GAK: variants seen among roughly 807,000 people sequenced by gnomAD.
The protein encoded by GAK is cyclin G associated kinase.
A neutral mutation model predicts 143.9 loss-of-function variants in GAK; 79 were observed. The ratio of observed to expected loss-of-function variants is 0.55; its 90% CI spans 0.46 to 0.66. The LOEUF (loss-of-function observed/expected upper bound fraction) is 0.66, where lower values mean the gene tolerates loss of function less well. GAK is among the 30% of genes least tolerant of loss of function. The pLI, the probability that GAK is intolerant of heterozygous loss-of-function variation, is 0.00. For missense variants in GAK, 1,693 were observed against 1,779.7 expected (o/e 0.95, Z 0.88); for synonymous variants, 881 against 765.5 (o/e 1.15, Z -2.49).
rs962539567 is a variant in GAK, at chr4:911,662, C to T, written c.382+11G>A. ...TTAGATGGCACCAAGCCGGCCTTCA[C>T]AGGACGTTACCTTTACAGAGCTCTG... On this transcript the variant is annotated intron_variant, in intron 4 of 27. Coordinates refer to ENST00000314167, the MANE Select transcript of GAK (RefSeq NM_005255.4). The T allele has an allele frequency of 3.1e-6, 5 of 1,604,622 alleles. No individual in the cohort carries two copies. In the Admixed American group the frequency reaches 6.7e-5, roughly 21 times the overall value.
intron 24 of GAK, among the ~76,000 whole-genome samples, chr4:854,129 T>A (rs1748715180): frequency 6.6e-6 from 1 of 151,790 alleles, no homozygotes; most frequent in African/African-American, 2.4e-5. Context: ...TTTTTTTTTT[T>A]TTTTTAATTG....
rs1488000442 is a variant in GAK at position 913,518 on chromosome 4, T to C, written c.207+89A>G. The C allele has an allele frequency of 6.9e-6, 7 of 1,013,986 alleles. No homozygotes were observed. In the East Asian group the frequency reaches 1.7e-4, roughly 24 times the overall value. 62.8% of individuals were successfully genotyped at this position (1,013,986 alleles called of 1,614,324 possible). A position where few individuals can be genotyped will look rare whatever the true frequency, so the allele number is the denominator to read the frequency against. On this transcript the variant is annotated intron_variant, in intron 2 of 27. Transcript: ENST00000314167. Reference sequence around the variant, plus strand: ...AGGCTGTAAAAGGAAACAAAGTACGTAACAGGGACGCATCCCTGAAAAGAC... The same window carrying C: ...AGGCTGTAAAAGGAAACAAAGTACGCAACAGGGACGCATCCCTGAAAAGAC...
rs1329265679 is a variant in GAK at position 898,125 on chromosome 4, T to C, written c.559A>G (p.Ile187Val). 6 of 1,614,094 alleles carry C rather than the reference T, an allele frequency of 3.7e-6. No individual in the cohort carries two copies. The highest frequency in any genetic ancestry group is 5.1e-6 in the Non-Finnish European group (6 of 1,180,008). ...GCACTGCCAAAGTCACACAGCTTAATGGTCCCTTGGTTACTAAGCAACAAG... is the reference window on the plus strand; with the variant it reads ...GCACTGCCAAAGTCACACAGCTTAACGGTCCCTTGGTTACTAAGCAACAAG... ...ENLLLSNQGT[I>V]KLCDFGSATT... Residue 187 changes from isoleucine (I) to valine (V), a missense_variant, in exon 6 of 28, where the codon ATT becomes GTT. Coordinates refer to ENST00000314167, the MANE Select transcript of GAK (RefSeq NM_005255.4).
chr4:882,859 C>A lies in GAK; in HGVS notation c.1405-40G>T, dbSNP rs781614327. 4 of 1,595,738 alleles carry A rather than the reference C, an allele frequency of 2.5e-6. No homozygotes were observed. In the Admixed American group the frequency reaches 5.0e-5, roughly 20 times the overall value. ...CACGGTGGCACGGACGGCAGAGGAGCCCCGCCCCAGCCTTGGTCAGCTAGG... is the reference window on the plus strand; with the variant it reads ...CACGGTGGCACGGACGGCAGAGGAGACCCGCCCCAGCCTTGGTCAGCTAGG... On this transcript the variant is annotated intron_variant, in intron 13 of 27. Coordinates refer to ENST00000314167, the MANE Select transcript of GAK (RefSeq NM_005255.4).
chr4:892,412 G>A (rs1459638034), intron 9 of GAK, among the ~76,000 whole-genome samples: 2 of 152,342 alleles, frequency 1.3e-5, no homozygotes, highest in Admixed American at 6.5e-5. Context: ...GGTGAGGGCC[G>A]GGCCGCGTGT....
At chr4:893,778 A>T in intron 8 of GAK, 96 bp downstream of exon 8, 1 of 1,374,674 alleles carries the variant, frequency 7.3e-7, no homozygotes. Flanking sequence ...GAGTGGGGCC[A>T]GGTGAGCAGT....
At chr4:868,837 G>C in intron 19 of GAK, 152 bp from the exon 20 acceptor site, 1 of 744,346 alleles carries the variant, frequency 1.3e-6, no homozygotes. Flanking sequence ...ACGGGGAGGG[G>C]CTCTCTGAAC....
rs777287445 is a variant in GAK at position 850,032 on chromosome 4, G to T, written c.3694C>A (p.Arg1232=). The change falls in exon 27 of 28, where the codon CGG becomes AGG. Residue 1232 remains arginine, a synonymous_variant. Transcript: ENST00000314167. The part of the protein sequence containing the change: ...DWIEGKERNI[R]ALLSTLHTVL... ...GTGTGCAGCGTGGACAGCAGGGCCC[G>T]GATGTTCCGCTCCTTGCCCTCAATC... 6.2e-7 allele frequency: 1 copy of T among 1,600,962 alleles called. No homozygotes were observed.
At chr4:868,465 TG>T in intron 20 of GAK, 73 bp downstream of exon 20, 1 of 1,527,452 alleles carries the variant, frequency 6.5e-7, no homozygotes, top group Non-Finnish European at 8.8e-7. Flanking sequence ...CCAAGACGCT[TG>T]CCCTGCCCCA....
At chr4:884,530 C>T in intron 11 of GAK, 1 of 165,584 alleles carries the variant, frequency 6.0e-6, no homozygotes, top group Non-Finnish European at 1.3e-5. Context: ...CAGTGCGACT[C>T]CAGCAGACGC....
intron 5 of GAK, among the ~76,000 whole-genome samples, chr4:901,302 A>G (rs1338985492): frequency 6.6e-6 from 1 of 151,714 alleles, no homozygotes; most frequent in African/African-American, 2.4e-5. Flanking sequence ...TCCCCCACCC[A>G]GGGCACACGG....
In GAK at chr4:867,018, A is replaced by C; in HGVS notation, c.2810T>G (p.Leu937Arg). 6.7e-7 allele frequency: 1 copy of C among 1,501,170 alleles called. No homozygotes were observed. 93.0% of individuals were successfully genotyped at this position (1,501,170 alleles called of 1,614,324 possible). Residue 937 changes from leucine (L) to arginine (R), a missense_variant, in exon 21 of 28, where the codon CTG becomes CGG. By Grantham distance (102) the Leu-to-Arg change is moderately radical. Coordinates refer to ENST00000314167, the MANE Select transcript of GAK (RefSeq NM_005255.4). The part of the protein sequence containing the change: ...EDLLSEDPLL[L>R]ASPAPPLSVQ... Reference sequence around the variant, plus strand: ...GCTCAGGGGAGGGGCCGGGCTTGCCAGGAGCAGCGGGTCCTCGCTGAGCAG... The same window carrying C: ...GCTCAGGGGAGGGGCCGGGCTTGCCCGGAGCAGCGGGTCCTCGCTGAGCAG...
At chr4:917,712 G>C (rs542679936) in intron 1 of GAK, among the ~76,000 whole-genome samples, 1 of 152,360 alleles carries the variant, frequency 6.6e-6, no homozygotes, top group South Asian at 2.1e-4. Context: ...TGATTAGCGT[G>C]GCAGATACAG....
In GAK at chr4:850,947, G is replaced by A; in HGVS notation, c.3646C>T (p.Leu1216Phe). 5.0e-6 allele frequency: 8 copies of A among 1,613,388 alleles called. No individual in the cohort carries two copies. The highest frequency in any genetic ancestry group is 6.8e-6 in the Non-Finnish European group (8 of 1,179,620). The change falls in exon 26 of 28, where the codon CTC becomes TTC. Residue 1216 changes from leucine to phenylalanine, a missense_variant. This residue lies in a region of GAK where 822 missense variants were observed against 788.7 expected (regional missense o/e 1.04). Transcript: ENST00000314167. Reference sequence around the variant, plus strand: ...GCCCACCCACCCACCTTCAGCTTGAGTGGGTCCGTGTCTTTAGCCAGGTCC... The same window carrying A: ...GCCCACCCACCCACCTTCAGCTTGAATGGGTCCGTGTCTTTAGCCAGGTCC... ...KQDLAKDTDP[L>F]KLKLLDWIEG...
intron 4 of GAK, among the ~76,000 whole-genome samples, chr4:910,907 T>C (rs4690201): frequency 0.61 from 93,295 of 152,000 alleles, 29,126 homozygotes; most frequent in East Asian, 0.77. Context: ...AGCCGCCCTC[T>C]GAGGCACAGG....
intron 19 of GAK, 107 bp downstream of exon 19, chr4:870,604 A>C (rs1481732137): frequency 3.4e-6 from 4 of 1,163,490 alleles, no homozygotes; most frequent in Non-Finnish European, 5.0e-6. Context: ...GCCTGGGTGC[A>C]GCAGCAGGCG....
At chr4:853,364 C>T (rs981873478) in intron 24 of GAK, 8 of 152,278 alleles carry the variant, frequency 5.3e-5, no homozygotes, top group African/African-American at 1.7e-4. Flanking sequence ...TGAGAGTTTC[C>T]GTTTCTCTGG....
chr4:877,330 AC>A (rs1382617857), intron 16 of GAK, 123 bp from the exon 17 acceptor site: 1 of 710,406 alleles, frequency 1.4e-6, no homozygotes, highest in East Asian at 2.7e-5. Context: ...ATAAAGAATA[AC>A]CCCCATGAAG....
chr4:912,804 GAA>G lies in GAK; in HGVS notation c.208-12_208-11del. 6.2e-7 allele frequency: 1 copy of G among 1,611,142 alleles called. No homozygotes were observed. The highest frequency in any genetic ancestry group is 1.1e-5 in the South Asian group (1 of 90,658). On this transcript the variant is annotated splice_polypyrimidine_tract_variant and intron_variant, in intron 2 of 27. Transcript: ENST00000314167. ...CATTGGATAATAGCCTCTGTATCAG[GAA>G]ACAGCACACACAAAAGATGAAAGCA... is the stretch of plus-strand genomic sequence containing the variant.
Sources: gnomAD v4.1 joint callset for allele counts (sites outside exome capture counted in the v4.1 genomes callset) on GRCh38, gnomAD v4.1.1 for gene constraint, gnomAD v4.1.1 regional missense constraint, MANE v1.5 for transcripts, NCBI Gene and HGNC (gene_info 2026-07-23, HGNC 2026-07-21) for gene names.